The following TDRD5 variants were observed in gnomAD, a reference collection of about 807,000 sequenced individuals.
TDRD5 encodes tudor domain containing 5.
TDRD5 carries 41 observed loss-of-function variants against 120.6 expected under a neutral mutation model. The ratio of observed to expected loss-of-function variants is 0.34; its 90% CI spans 0.26 to 0.44. The LOEUF (loss-of-function observed/expected upper bound fraction) is 0.44. Among genes scored for constraint, TDRD5 ranks in the 20% least tolerant of loss-of-function variants. The pLI, the probability that TDRD5 is intolerant of heterozygous loss-of-function variation, is 1.00. For synonymous variants in TDRD5, 430 were observed against 433.7 expected, an observed-to-expected ratio of 0.99 and a Z score of 0.11; for missense variants, 1,006 against 1,221.2, an observed-to-expected ratio of 0.82 and a Z score of 2.63.
At chr1:179,593,009 G>A (rs1165319856) in intron 2 of TDRD5, among the ~76,000 whole-genome samples, 162 bp downstream of exon 2, 2 of 152,140 alleles carry the variant, frequency 1.3e-5, no homozygotes, top group African/African-American at 4.8e-5. Context: ...GGCAAAATTG[G>A]AACCTCTGCA....
At chr1:179,634,335 T>C in intron 7 of TDRD5, 122 bp from the exon 8 acceptor site, 1 of 964,880 alleles carries the variant, frequency 1.0e-6, no homozygotes, top group Non-Finnish European at 1.5e-6. Flanking sequence ...ATTGTCTTTC[T>C]AGCACCTGGT....
intron 4 of TDRD5, among the ~76,000 whole-genome samples, chr1:179,607,088 T>G (rs939466239): frequency 3.9e-5 from 6 of 152,112 alleles, no homozygotes; most frequent in Non-Finnish European, 8.8e-5. Context: ...AATTATCCGT[T>G]TATTTCTTCT....
chr1:179,666,647 G>A (rs1333318171), intron 16 of TDRD5, among the ~76,000 whole-genome samples: 1 of 151,968 alleles, frequency 6.6e-6, no homozygotes, highest in Non-Finnish European at 1.5e-5. Context: ...TCCTTCCCAT[G>A]TTTTCATTTA....
chr1:179,630,258 A>G (rs1677361759), intron 6 of TDRD5, among the ~76,000 whole-genome samples: 1 of 152,180 alleles, frequency 6.6e-6, no homozygotes, highest in Non-Finnish European at 1.5e-5. Context: ...CGGCCTCCCA[A>G]AGTGCTGGGA....
At position 179,665,411 on chromosome 1, in the gene TDRD5, T is replaced by C. The variant is rs143859802; in HGVS notation, c.2649+1920T>C. On this transcript the variant is annotated intron_variant, in intron 16 of 17. Coordinates refer to ENST00000444136, the MANE Select transcript of TDRD5 (RefSeq NM_001199085.3). ...TTTAGGCCTTTGATCCATTTTGAGT[T>C]AATTTGTTATGGTGTGAGATAGAGT... Among the ~76,000 whole-genome samples, 961 of 152,274 alleles carry C rather than the reference T, an allele frequency of 6.3e-3. 17 individuals are homozygous for C. Among genetic ancestry groups the C allele is most frequent in the African/African-American group, 0.022 (922 of 41,572 alleles).
In TDRD5 at chr1:179,593,615, A is replaced by G. The variant is rs541486776; in HGVS notation, c.388A>G (p.Ile130Val). 8.1e-6 allele frequency: 13 copies of G among 1,614,232 alleles called. No homozygotes were observed. Among genetic ancestry groups the G allele is most frequent in the African/African-American group, 1.3e-5 (1 of 75,076 alleles). ...ACCTTACCGAGGAAGGGTTGCCCCT[A>G]TTCTTCCAGCTGTTGTGAAGAGTGA... is the stretch of plus-strand genomic sequence containing the variant. ...RVPYRGRVAPILPAVVKSELK... is the reference protein window; with the variant it reads ...RVPYRGRVAPVLPAVVKSELK... Residue 130 changes from isoleucine (I) to valine (V), a missense_variant, in exon 3 of 18, where the codon ATT becomes GTT. Physicochemically the swap from Ile to Val is conservative, Grantham distance 29. This residue lies in a region of TDRD5 where 445 missense variants were observed against 515.5 expected (regional missense o/e 0.86). Transcript: ENST00000444136.
Position 179,646,998 on chromosome 1 carries a change from T to C in TDRD5, c.1801-3869T>C, listed in dbSNP as rs1397850114. 2.7e-5 allele frequency among the ~76,000 whole-genome samples: 4 copies of C among 149,760 alleles called. No homozygotes were observed. In the East Asian group the frequency reaches 7.9e-4, roughly 30 times the overall value. ...ATTCCATGCTCATGGGTAGGAAGAA[T>C]CAATATCATGAAAATGGCCATACTG... On this transcript the variant is annotated intron_variant, in intron 11 of 17. Coordinates refer to ENST00000444136, the MANE Select transcript of TDRD5 (RefSeq NM_001199085.3).
At chr1:179,687,322 A>G (rs377722054) in intron 17 of TDRD5, among the ~76,000 whole-genome samples, 16 of 152,098 alleles carry the variant, frequency 1.1e-4, no homozygotes, top group Admixed American at 1.0e-3. Context: ...TTCAGGAGCA[A>G]GTTGTTCAGT....
intron 14 of TDRD5, among the ~76,000 whole-genome samples, chr1:179,660,289 G>A (rs1679241015): frequency 7.7e-6 from 1 of 130,374 alleles, no homozygotes; most frequent in South Asian, 2.7e-4. Flanking sequence ...GCACAATCTC[G>A]GCTCACTGCA....
intron 14 of TDRD5, among the ~76,000 whole-genome samples, chr1:179,658,668 C>G (rs933516749): frequency 2.6e-5 from 4 of 152,038 alleles, no homozygotes; most frequent in African/African-American, 9.7e-5. Context: ...TTGTCTTCTC[C>G]CCTTTTCATT....
intron 4 of TDRD5, among the ~76,000 whole-genome samples, chr1:179,600,663 C>T (rs186770791): frequency 9.9e-5 from 15 of 151,984 alleles, no homozygotes; most frequent in Admixed American, 8.5e-4. Flanking sequence ...TGTTTTGTAA[C>T]TTCTGTTTAC....
At position 179,639,904 on chromosome 1, in the gene TDRD5, G is replaced by A. The variant is rs143704808; in HGVS notation, c.1586G>A (p.Gly529Glu). The change falls in exon 10 of 18, where the codon GGA (glycine) becomes GAA (glutamate). Residue 529 changes from glycine to glutamate, a missense_variant. Gly to Glu is a moderately conservative substitution (Grantham distance 98). Transcript: ENST00000444136. ...YVMPECFIQP[G>E]HLCCVRISED... is the part of the protein sequence containing the mutation. ...ATGCCAGAATGTTTTATTCAGCCGG[G>A]ACATCTCTGTTGTGTAAGGATTTCT... 2.5e-6 allele frequency: 4 copies of A among 1,614,110 alleles called. No homozygotes were observed. Among genetic ancestry groups the A allele is most frequent in the Non-Finnish European group, 3.4e-6 (4 of 1,180,008 alleles).
chr1:179,625,898 G>A (rs1677096371), intron 6 of TDRD5, among the ~76,000 whole-genome samples: 2 of 152,064 alleles, frequency 1.3e-5, no homozygotes, highest in South Asian at 2.1e-4. Flanking sequence ...AAAATGATGA[G>A]TTCATGTCCT....
chr1:179,611,058 GTGA>G (rs1676250015), intron 4 of TDRD5, among the ~76,000 whole-genome samples: 1 of 150,598 alleles, frequency 6.6e-6, no homozygotes, highest in Non-Finnish European at 1.5e-5. Flanking sequence ...ATTGTATGTT[GTGA>G]TACTTTTTTT....
chr1:179,619,855 A>C (rs1225407014), intron 5 of TDRD5, among the ~76,000 whole-genome samples: 2 of 152,112 alleles, frequency 1.3e-5, no homozygotes, highest in Non-Finnish European at 2.9e-5. Context: ...TCCTGGCCTT[A>C]GGCATTCCCC....
At chr1:179,655,759 A>T (rs1454440504) in intron 14 of TDRD5, among the ~76,000 whole-genome samples, 1 of 152,188 alleles carries the variant, frequency 6.6e-6, no homozygotes, top group Non-Finnish European at 1.5e-5. Flanking sequence ...TGTACCTTTG[A>T]GATTCATCCA....
At chr1:179,615,196 A>G (rs1332412459) in intron 4 of TDRD5, among the ~76,000 whole-genome samples, 1 of 152,162 alleles carries the variant, frequency 6.6e-6, no homozygotes, top group East Asian at 1.9e-4. Context: ...TGCAAGTTCC[A>G]TGAGGACAGG....
chr1:179,625,579 A>C (rs1677078895), intron 6 of TDRD5, among the ~76,000 whole-genome samples: 1 of 152,214 alleles, frequency 6.6e-6, no homozygotes, highest in Admixed American at 6.5e-5. Context: ...ATAAAATGGT[A>C]CAACTACTGT....
At chr1:179,666,826 A>G (rs754000127) in intron 16 of TDRD5, among the ~76,000 whole-genome samples, 1 of 152,154 alleles carries the variant, frequency 6.6e-6, no homozygotes, top group Non-Finnish European at 1.5e-5. Flanking sequence ...AATTGTAATC[A>G]TGTCTTTTTT....
Sources: gnomAD v4.1 joint callset for allele counts (sites outside exome capture counted in the v4.1 genomes callset) on GRCh38, gnomAD v4.1.1 for gene constraint, gnomAD v4.1.1 regional missense constraint, MANE v1.5 for transcripts, NCBI Gene and HGNC (gene_info 2026-07-23, HGNC 2026-07-21) for gene names.